The following MAPK6 variants were observed in gnomAD, a reference collection of about 807,000 sequenced individuals.
MAPK6 encodes the protein ERK-3.
In MAPK6, 19 loss-of-function variants were observed where a neutral mutation model predicts 59.3. The observed-to-expected ratio is 0.32, with a 90% CI of 0.22 to 0.47. The LOEUF is 0.47. MAPK6 is among the 20% of genes least tolerant of loss of function. The pLI is 1.00. For synonymous variants in MAPK6, 316 were observed against 290.3 expected, an observed-to-expected ratio of 1.09 and a Z score of -0.90; for missense variants, 724 against 847.9, an observed-to-expected ratio of 0.85 and a Z score of 1.81.
Position 51,973,280 on chromosome 15 carries a change from G to A in MAPK6, c.-880+1374G>A, listed in dbSNP as rs144389411. 3.0e-3 allele frequency among the ~76,000 whole-genome samples: 449 copies of A among 152,032 alleles called. 1 individual carries two copies. The highest frequency in any genetic ancestry group is 0.01 in the African/African-American group (427 of 41,546). On this transcript the variant is annotated intron_variant, in intron 1 of 7. Coordinates refer to the MAPK6 transcript ENST00000691380. Reference sequence around the variant, plus strand: ...ACTATCTGGAATACTGGAAAAACAAGTATTCCATTTGACAGTGATTCAGTT... The same window carrying A: ...ACTATCTGGAATACTGGAAAAACAAATATTCCATTTGACAGTGATTCAGTT...
In MAPK6 at chr15:52,064,656, AATC is replaced by A. The variant is rs1566916524; in HGVS notation, c.1824_1826del (p.Asn608_Gln609delinsLys). 6.2e-7 allele frequency: 1 copy of A among 1,611,716 alleles called. No individual in the cohort carries two copies. Among genetic ancestry groups the A allele is most frequent in the Non-Finnish European group, 8.5e-7 (1 of 1,179,720 alleles). ...TGGTGGGGAGGACTGTTTTTTCATA[AATC>A]AGTTTTGTGAGGTAAGGAAGGATGA... On this transcript the variant is annotated inframe_deletion, in exon 6 of 6. Coordinates refer to ENST00000261845, the MANE Select transcript of MAPK6 (RefSeq NM_002748.4).
At chr15:52,032,332 A>G (rs1021415428) in intron 1 of MAPK6, among the ~76,000 whole-genome samples, 2 of 150,990 alleles carry the variant, frequency 1.3e-5, no homozygotes, top group African/African-American at 4.9e-5. Flanking sequence ...CTGGGATTAC[A>G]GTCATGTGCC....
intron 1 of MAPK6, among the ~76,000 whole-genome samples, chr15:51,976,470 G>C (rs1369823463): frequency 1.3e-5 from 2 of 151,360 alleles, no homozygotes; most frequent in Non-Finnish European, 2.9e-5. Context: ...CAAGAACATT[G>C]ACCAGCTTAT....
intron 1 of MAPK6, among the ~76,000 whole-genome samples, chr15:52,039,762 C>T (rs1195279864): frequency 6.6e-6 from 1 of 151,922 alleles, no homozygotes; most frequent in Non-Finnish European, 1.5e-5. Context: ...GGTGTTCTGC[C>T]CACCTTGGAC....
intron 2 of MAPK6, among the ~76,000 whole-genome samples, chr15:51,998,504 C>CCT (rs1555395724): frequency 7.8e-6 from 1 of 128,530 alleles, no homozygotes; most frequent in African/African-American, 3.0e-5. Context: ...CGCACCTGGC[C>CCT]TTTTTTTTTT....
intron 2 of MAPK6, among the ~76,000 whole-genome samples, chr15:51,998,687 A>ATTGTTTTTTTTTTTTTTTTTT (rs2057233143): frequency 2.6e-5 from 1 of 38,472 alleles, no homozygotes; most frequent in Non-Finnish European, 4.6e-5. Flanking sequence ...TGCCTGGTTA[A>ATTGTTTTTTTTTTTTTTTTTT]TTTTTTTTTT....
rs532038291 is a variant in MAPK6, at chr15:52,051,746, C to T, written c.700+1609C>T. On this transcript the variant is annotated intron_variant, in intron 3 of 5. Coordinates refer to ENST00000261845, the MANE Select transcript of MAPK6 (RefSeq NM_002748.4). ...AAAATTAGCTGGGCATGGTGGCGCA[C>T]GCCTGTAATCCCAGCTACTGGGGAG... is the stretch of plus-strand genomic sequence containing the variant. Among the ~76,000 whole-genome samples, 10 of 152,002 alleles carry T rather than the reference C, an allele frequency of 6.6e-5. No homozygotes were observed. In the South Asian group the frequency reaches 8.3e-4, roughly 13 times the overall value.
intron 3 of MAPK6, among the ~76,000 whole-genome samples, chr15:52,008,065 T>C (rs2029950604): frequency 6.6e-6 from 1 of 152,122 alleles, no homozygotes; most frequent in African/African-American, 2.4e-5. Context: ...CAAGCTGGTC[T>C]CAAACTCCTG....
intron 1 of MAPK6, among the ~76,000 whole-genome samples, chr15:52,022,832 C>CG (rs748968487): frequency 2.6e-5 from 4 of 151,794 alleles, no homozygotes; most frequent in Non-Finnish European, 5.9e-5. Flanking sequence ...AAACTGAGGC[C>CG]GGGGGCAGTG....
chr15:52,023,050 TG>T (rs1223705833), intron 1 of MAPK6, among the ~76,000 whole-genome samples: 1 of 129,778 alleles, frequency 7.7e-6, no homozygotes, highest in South Asian at 2.4e-4. Context: ...GAGGTTGCAG[TG>T]AGCCGAGATT....
At chr15:52,020,525 C>A (rs999331840) in intron 1 of MAPK6, among the ~76,000 whole-genome samples, 2 of 151,862 alleles carry the variant, frequency 1.3e-5, no homozygotes, top group Non-Finnish European at 2.9e-5. Context: ...CAATGAAGAG[C>A]AAGCAGCTTC....
chr15:52,065,725 AAAATTTATTTGCAAATATACTT>A lies in MAPK6; in HGVS notation c.*726_*747del, dbSNP rs2032395240. On this transcript the variant is annotated 3_prime_UTR_variant, in exon 6 of 6. Coordinates refer to ENST00000261845, the MANE Select transcript of MAPK6 (RefSeq NM_002748.4). ...ATTATAAAAAATTAACTTAGTTTTT[AAAATTTATTTGCAAATATACTT>A]TACTTTTTCCATTTGGCACTATGGT... 8.4e-6 allele frequency: 1 copy of A among 118,932 alleles called. No individual in the cohort carries two copies. Among genetic ancestry groups the A allele is most frequent in the Non-Finnish European group, 1.8e-5 (1 of 54,990 alleles). The allele number at this position is 118,932 out of a possible 1,614,324, so 7.4% of individuals were successfully genotyped here.
chr15:51,978,890 G>A (rs1181352540), intron 1 of MAPK6, among the ~76,000 whole-genome samples: 1 of 151,760 alleles, frequency 6.6e-6, no homozygotes, highest in Non-Finnish European at 1.5e-5. Flanking sequence ...GGAGGCCAAG[G>A]TGGGCAGATC....
At chr15:51,998,178 G>T (rs1426081170) in intron 2 of MAPK6, among the ~76,000 whole-genome samples, 1 of 151,520 alleles carries the variant, frequency 6.6e-6, no homozygotes, top group East Asian at 1.9e-4. Context: ...GCCTGACCTC[G>T]TAATCCACCC....
At chr15:52,024,699 T>G (rs1267431290) in intron 1 of MAPK6, 1 of 151,682 alleles carries the variant, frequency 6.6e-6, no homozygotes, top group Non-Finnish European at 1.5e-5. Flanking sequence ...ATTACAGGTA[T>G]GAGCCACCGC....
At chr15:52,015,415 G>A (rs1431602257), upstream of MAPK6, among the ~76,000 whole-genome samples, 3 of 152,078 alleles carry the variant, frequency 2.0e-5, no homozygotes. Context: ...CCAGAGTACT[G>A]GGATTACAGG....
At chr15:52,050,616 G>C (rs749516482) in intron 3 of MAPK6, among the ~76,000 whole-genome samples, 1 of 152,268 alleles carries the variant, frequency 6.6e-6, no homozygotes, top group Non-Finnish European at 1.5e-5. Flanking sequence ...AAAATGTCTT[G>C]TGTCATAAAG....
In MAPK6 at chr15:52,061,290, C is replaced by G; in HGVS notation, c.866-9C>G. The G allele has an allele frequency of 6.2e-7, 1 of 1,610,432 alleles. No individual in the cohort carries two copies. The highest frequency in any genetic ancestry group is 1.7e-4 in the Middle Eastern group (1 of 6,054). On this transcript the variant is annotated splice_polypyrimidine_tract_variant and intron_variant, in intron 4 of 5. Coordinates refer to ENST00000261845, the MANE Select transcript of MAPK6 (RefSeq NM_002748.4). ...CTTTTCTGAAAAACTTTTACCTTTT[C>G]CTCTGCAGCACTGGATTTCCTGGAA...
intron 1 of MAPK6, among the ~76,000 whole-genome samples, chr15:51,977,886 G>A (rs1174580153): frequency 6.6e-6 from 1 of 151,796 alleles, no homozygotes; most frequent in Non-Finnish European, 1.5e-5. Context: ...GGCCACAAGT[G>A]CCCAGCTGAG....
Sources: allele counts gnomAD v4.1 joint callset (sites outside exome capture counted in the v4.1 genomes callset), GRCh38; gene constraint gnomAD v4.1.1; transcripts MANE v1.5; gene names NCBI Gene and HGNC (gene_info 2026-07-23, HGNC 2026-07-21).